SEC14L1: variants seen among roughly 807,000 people sequenced by gnomAD.
SEC14L1 encodes the protein SEC14-like protein 1.
A neutral mutation model predicts 85.3 loss-of-function variants in SEC14L1; 48 were observed. That is an observed-to-expected ratio of 0.56 (90% confidence interval 0.45 to 0.72). SEC14L1 has a LOEUF of 0.72. Ranked by LOEUF, SEC14L1 falls within the 30% of genes least tolerant of loss-of-function variation. The pLI is 0.00. For missense variants in SEC14L1, 682 were observed against 921.4 expected, an observed-to-expected ratio of 0.74 and a Z score of 3.36; for synonymous variants, 391 against 355.5, an observed-to-expected ratio of 1.10 and a Z score of -1.12.
intron 2 of SEC14L1, among the ~76,000 whole-genome samples, chr17:77,092,932 A>G (rs1971551672): frequency 6.6e-6 from 1 of 150,700 alleles, no homozygotes; most frequent in Non-Finnish European, 1.5e-5. Context: ...CCTGGGCTAA[A>G]AAGAGTGAAA....
At chr17:77,184,760 C>G (rs1975192485) in intron 3 of SEC14L1, among the ~76,000 whole-genome samples, 2 of 152,316 alleles carry the variant, frequency 1.3e-5, no homozygotes, top group South Asian at 4.1e-4. Flanking sequence ...ACTGAGATGT[C>G]ATTGCTTTTC....
At chr17:77,158,798 CTTTTTTTTTT>C (rs34186028) in intron 3 of SEC14L1, among the ~76,000 whole-genome samples, 219 of 39,250 alleles carry the variant, frequency 5.6e-3, no homozygotes, top group African/African-American at 0.023. Context: ...GCTTTCTTTC[CTTTTTTTTTT>C]TTTTTTTTTT....
At chr17:77,169,004 C>A (rs556969161) in intron 3 of SEC14L1, among the ~76,000 whole-genome samples, 1 of 119,608 alleles carries the variant, frequency 8.4e-6, no homozygotes, top group East Asian at 2.5e-4. Flanking sequence ...CCGTGAGGAG[C>A]ATCTTTTTTT....
intron 6 of SEC14L1, among the ~76,000 whole-genome samples, chr17:77,194,254 G>A (rs541915429): frequency 1.3e-5 from 2 of 152,208 alleles, no homozygotes; most frequent in East Asian, 3.9e-4. Flanking sequence ...TTTTATTGGT[G>A]TTTTAAAAGC....
intron 3 of SEC14L1, among the ~76,000 whole-genome samples, chr17:77,188,343 C>T (rs1201934045): frequency 7.3e-5 from 11 of 151,616 alleles, no homozygotes; most frequent in South Asian, 2.1e-4. Flanking sequence ...CTTCTGTTTT[C>T]GGTTTCTCTA....
At chr17:77,130,152 C>A (rs1158988527) in intron 3 of SEC14L1, 1 of 152,102 alleles carries the variant, frequency 6.6e-6, no homozygotes, top group Admixed American at 6.6e-5. Context: ...CTAAGCCAGG[C>A]CGCTTCCCTG....
intron 3 of SEC14L1, among the ~76,000 whole-genome samples, chr17:77,184,669 G>A (rs1274164189): frequency 6.6e-6 from 1 of 152,158 alleles, no homozygotes; most frequent in Non-Finnish European, 1.5e-5. Flanking sequence ...CTCCAGACTT[G>A]TAATCAACCG....
In SEC14L1 at chr17:77,206,830, A is replaced by AT. The variant is rs1278754122; in HGVS notation, c.1446dup (p.Ile483TyrfsTer40). The AT allele has an allele frequency of 6.2e-7, 1 of 1,609,380 alleles. No homozygotes were observed. Among genetic ancestry groups the AT allele is most frequent in the Non-Finnish European group, 8.5e-7 (1 of 1,178,486 alleles). ...CCTGCTGGATTACATCGACAAAGAG[A>AT]TTATTCCAGATTTCCTGAGTGGGGA... On this transcript the variant is annotated frameshift_variant, in exon 13 of 17. Transcript: ENST00000436233. LOFTEE classifies it high-confidence loss of function. This position sits in a 1 kb window ranked among gnomAD's most constrained non-coding sequence, Gnocchi z 4.3.
At chr17:77,183,566 T>G (rs1367576492) in intron 3 of SEC14L1, among the ~76,000 whole-genome samples, 1 of 152,188 alleles carries the variant, frequency 6.6e-6, no homozygotes, top group African/African-American at 2.4e-5. Flanking sequence ...AGGCGGAGGA[T>G]GCAGTGAGCC....
intron 3 of SEC14L1, among the ~76,000 whole-genome samples, chr17:77,168,034 A>G (rs1376357913): frequency 6.6e-6 from 1 of 152,122 alleles, no homozygotes; most frequent in Non-Finnish European, 1.5e-5. Flanking sequence ...ATACAATCTA[A>G]ACTGATGCCA....
intron 3 of SEC14L1, among the ~76,000 whole-genome samples, chr17:77,165,093 A>G (rs116163602): frequency 4.2e-4 from 64 of 152,252 alleles, no homozygotes; most frequent in African/African-American, 1.5e-3. Flanking sequence ...CATTTATTTT[A>G]TGAAAGTTCC....
intron 3 of SEC14L1, among the ~76,000 whole-genome samples, chr17:77,156,312 C>T (rs570198666): frequency 6.6e-5 from 10 of 152,284 alleles, no homozygotes; most frequent in Non-Finnish European, 1.5e-4. Flanking sequence ...CGGTGGCTCA[C>T]ACTTGTAATC....
intron 9 of SEC14L1, among the ~76,000 whole-genome samples, chr17:77,201,094 G>T (rs1042105931): frequency 6.6e-6 from 1 of 152,204 alleles, no homozygotes; most frequent in African/African-American, 2.4e-5. Context: ...CTACATCACA[G>T]CCCTGAGCAC....
intron 3 of SEC14L1, among the ~76,000 whole-genome samples, chr17:77,098,649 C>T (rs965759111): frequency 4.6e-5 from 7 of 152,118 alleles, no homozygotes; most frequent in East Asian, 1.9e-4. Context: ...ACATAAAGAT[C>T]GCGTGCCCTT....
chr17:77,142,605 A>G (rs1481288920), intron 1 of SEC14L1, 41 bp from the exon 2 acceptor site: 1 of 151,890 alleles, frequency 6.6e-6, no homozygotes, highest in Non-Finnish European at 1.5e-5. Flanking sequence ...CTGAAATAAA[A>G]TACATCTTGG....
intron 3 of SEC14L1, among the ~76,000 whole-genome samples, chr17:77,124,315 G>C (rs1181333771): frequency 6.6e-6 from 1 of 152,184 alleles, no homozygotes; most frequent in African/African-American, 2.4e-5. Flanking sequence ...AGTGAGCTGT[G>C]ATCATGCCAC....
At chr17:77,174,891 T>C (rs895220942) in intron 3 of SEC14L1, among the ~76,000 whole-genome samples, 3 of 152,272 alleles carry the variant, frequency 2.0e-5, no homozygotes, top group African/African-American at 7.2e-5. Flanking sequence ...TTTTTATCCC[T>C]AACGCAGTTC....
At chr17:77,090,768 T>C (rs569298016) in intron 2 of SEC14L1, among the ~76,000 whole-genome samples, 44 of 152,014 alleles carry the variant, frequency 2.9e-4, no homozygotes, top group Non-Finnish European at 6.0e-4. Context: ...GGCTGGAAGA[T>C]TGCTTGAGCC....
At chr17:77,164,035 G>A (rs1174976846) in intron 3 of SEC14L1, among the ~76,000 whole-genome samples, 4 of 152,222 alleles carry the variant, frequency 2.6e-5, no homozygotes, top group African/African-American at 9.6e-5. Flanking sequence ...CATTTAGAGA[G>A]TGCTTGTGTG....
Sources: allele counts gnomAD v4.1 joint callset (sites outside exome capture counted in the v4.1 genomes callset), GRCh38; gene constraint gnomAD v4.1.1; non-coding constraint Gnocchi (gnomAD v3.1); transcripts MANE v1.5; gene names NCBI Gene and HGNC (gene_info 2026-07-23, HGNC 2026-07-21).